The following PROCR variants were observed in gnomAD, a reference collection of about 807,000 sequenced individuals.
PROCR encodes protein C receptor, also known as endothelial protein C receptor.
Under a neutral mutation model 24.2 loss-of-function variants are expected in PROCR, and 22 were observed. The observed-to-expected ratio is 0.91, with a 90% CI of 0.65 to 1.30. PROCR has a LOEUF of 1.30. PROCR is among the 50% of genes most tolerant of loss of function. The pLI is 0.00. For synonymous variants in PROCR, 137 were observed against 139.2 expected, an observed-to-expected ratio of 0.98 and a Z score of 0.11; for missense variants, 288 against 307.7, an observed-to-expected ratio of 0.94 and a Z score of 0.48.
intron 1 of PROCR, among the ~76,000 whole-genome samples, chr20:35,174,064 A>G (rs1182730930): frequency 5.3e-5 from 8 of 152,188 alleles, no homozygotes. Flanking sequence ...AATAGTAGCT[A>G]TTGCATTAAG....
At chr20:35,187,841 C>CGAA (rs1236825590) in intron 1 of PROCR, among the ~76,000 whole-genome samples, 1 of 152,172 alleles carries the variant, frequency 6.6e-6, no homozygotes, top group Admixed American at 6.5e-5. Context: ...AACTAGGATT[C>CGAA]TACATTCCTA....
intron 1 of PROCR, among the ~76,000 whole-genome samples, chr20:35,187,598 G>A (rs190152074): frequency 3.3e-5 from 5 of 152,338 alleles, no homozygotes; most frequent in South Asian, 2.1e-4. Flanking sequence ...AAGCAGGAGA[G>A]GTAAGTAATC....
Position 35,172,121 on chromosome 20 carries a change from G to C in PROCR, c.-34G>C, listed in dbSNP as rs753269670. 1.2e-6 allele frequency: 2 copies of C among 1,612,038 alleles called. No homozygotes were observed. Among genetic ancestry groups the C allele is most frequent in the Non-Finnish European group, 1.7e-6 (2 of 1,178,170 alleles). The stretch of plus-strand genomic sequence containing the variant: ...CCAGCGGAGCCCGCAGCCGGCCCGA[G>C]CCAGGAACCCAGGTCCGGAGCCTCA... On this transcript the variant is annotated 5_prime_UTR_variant, in exon 1 of 4. Coordinates refer to ENST00000216968, the MANE Select transcript of PROCR (RefSeq NM_006404.5).
At chr20:35,208,557 G>A (rs1012026463) in intron 1 of PROCR, among the ~76,000 whole-genome samples, 15 of 152,074 alleles carry the variant, frequency 9.9e-5, no homozygotes, top group African/African-American at 1.7e-4. Flanking sequence ...CTCAGTATCC[G>A]CGTACTCTGC....
chr20:35,193,376 G>C (rs753374305), intron 1 of PROCR, among the ~76,000 whole-genome samples: 3 of 152,066 alleles, frequency 2.0e-5, no homozygotes, highest in Non-Finnish European at 2.9e-5. Context: ...GGGTTTCACT[G>C]TGTTGGCCAG....
intron 1 of PROCR, among the ~76,000 whole-genome samples, chr20:35,190,338 A>G (rs890386622): frequency 3.3e-5 from 5 of 152,178 alleles, no homozygotes; most frequent in Non-Finnish European, 7.3e-5. Flanking sequence ...TCCTGGCTGT[A>G]CCATACCCCA....
intron 1 of PROCR, among the ~76,000 whole-genome samples, chr20:35,215,054 G>A (rs372104869): frequency 1.7e-3 from 255 of 151,948 alleles, no homozygotes; most frequent in African/African-American, 5.9e-3. Flanking sequence ...TTACAGGCAC[G>A]CGCCACCAAG....
intron 1 of PROCR, among the ~76,000 whole-genome samples, chr20:35,198,318 C>T (rs550417933): frequency 1.2e-4 from 18 of 151,928 alleles, no homozygotes; most frequent in Admixed American, 4.6e-4. Context: ...AGTGCTACTC[C>T]GGTGAACACA....
chr20:35,172,609 G>A lies in PROCR; in HGVS notation c.70+385G>A, dbSNP rs143997773. Among the ~76,000 whole-genome samples, 116 of 151,856 alleles carry A rather than the reference G, an allele frequency of 7.6e-4. 1 individual carries two copies. The highest frequency in any genetic ancestry group is 2.7e-3 in the African/African-American group (113 of 41,396). On this transcript the variant is annotated intron_variant, in intron 1 of 3. Transcript: ENST00000216968. ...AGAAGAGAAGAGAAATGGAGGGAATGGGAAGACCCTGGGAAAACTGATGGA... is the reference window on the plus strand; with the variant it reads ...AGAAGAGAAGAGAAATGGAGGGAATAGGAAGACCCTGGGAAAACTGATGGA...
chr20:35,190,193 G>A (rs2086161753), intron 1 of PROCR, among the ~76,000 whole-genome samples: 4 of 152,084 alleles, frequency 2.6e-5, no homozygotes, highest in Middle Eastern at 3.2e-3. Flanking sequence ...TGTTGTATGT[G>A]TACTGGCATA....
intron 1 of PROCR, among the ~76,000 whole-genome samples, chr20:35,199,267 T>A (rs1406257837): frequency 6.6e-6 from 1 of 152,210 alleles, no homozygotes; most frequent in Non-Finnish European, 1.5e-5. Flanking sequence ...ATTTTAAGCC[T>A]ACTGTTGAGA....
Position 35,175,152 on chromosome 20 carries a change from C to A in PROCR, c.322+199C>A, listed in dbSNP as rs184640440. 8.4e-3 allele frequency among the ~76,000 whole-genome samples: 1,283 copies of A among 152,012 alleles called. 10 individuals carry two copies. The highest frequency in any genetic ancestry group is 0.014 in the Middle Eastern group (4 of 294). On this transcript the variant is annotated intron_variant, in intron 2 of 3. Transcript: ENST00000216968. ...AGGCAGTTGTCCCCGCTAAGAAAGC[C>A]CCGACTCGGGCGGTCGTCCTGCTGG...
At chr20:35,200,646 T>C (rs902432510) in intron 1 of PROCR, among the ~76,000 whole-genome samples, 1 of 152,134 alleles carries the variant, frequency 6.6e-6, no homozygotes, top group Non-Finnish European at 1.5e-5. Context: ...ACAACTTTTA[T>C]TTATTATTGT....
chr20:35,205,469 T>C (rs1312402022), intron 1 of PROCR, among the ~76,000 whole-genome samples: 4 of 134,886 alleles, frequency 3.0e-5, no homozygotes, highest in African/African-American at 1.1e-4. Context: ...ATATATATAT[T>C]GGCCGGGCGC....
At chr20:35,180,464 C>G (rs1600738016), downstream of PROCR, among the ~76,000 whole-genome samples, 1 of 152,216 alleles carries the variant, frequency 6.6e-6, no homozygotes, top group East Asian at 1.9e-4. Context: ...TGGCCAACTG[C>G]AGGACAACTC....
rs532663091 is a variant in PROCR at position 35,205,802 on chromosome 20, CAT to C, written c.95-10084_95-10083del. 3.1e-4 allele frequency among the ~76,000 whole-genome samples: 36 copies of C among 115,060 alleles called. 1 individual carries two copies. Among genetic ancestry groups the C allele is most frequent in the African/African-American group, 1.2e-3 (31 of 25,646 alleles). The allele number at this position is 115,060 out of a possible 152,430, so 75.5% of individuals were successfully genotyped here. ...ATATATATATATGTATATATACACA[CAT>C]ATATATGTACATATATACATATATC... On this transcript the variant is annotated intron_variant, in intron 1 of 1. Coordinates refer to the PROCR transcript ENST00000634509.
At position 35,172,119 on chromosome 20, in the gene PROCR, G is replaced by T; in HGVS notation, c.-36G>T. The T allele has an allele frequency of 1.2e-6, 2 of 1,611,036 alleles. No homozygotes were observed. Among genetic ancestry groups the T allele is most frequent in the South Asian group, 2.2e-5 (2 of 91,010 alleles). On this transcript the variant is annotated 5_prime_UTR_variant, in exon 1 of 4. Transcript: ENST00000216968. ...AGCCAGCGGAGCCCGCAGCCGGCCC[G>T]AGCCAGGAACCCAGGTCCGGAGCCT...
chr20:35,214,264 A>G (rs919844581), intron 1 of PROCR, among the ~76,000 whole-genome samples: 3 of 152,158 alleles, frequency 2.0e-5, no homozygotes, highest in African/African-American at 7.2e-5. Flanking sequence ...TTTTCCGATT[A>G]TTACACAAAT....
chr20:35,177,002 C>G lies in PROCR; in HGVS notation c.*189C>G, dbSNP rs1172223606. The G allele has an allele frequency of 1.4e-6, 2 of 1,435,924 alleles. No individual in the cohort carries two copies. The highest frequency in any genetic ancestry group is 2.9e-5 in the African/African-American group (2 of 69,978). The allele number at this position is 1,435,924 out of a possible 1,614,324, so 88.9% of individuals were successfully genotyped here. On this transcript the variant is annotated 3_prime_UTR_variant, in exon 4 of 4. Transcript: ENST00000216968. Reference sequence around the variant, plus strand: ...ATGGAGAGGAGAGGTGGACAAAGTACTTGGTTTGCTAAGAACCTAAGAACG... The same window carrying G: ...ATGGAGAGGAGAGGTGGACAAAGTAGTTGGTTTGCTAAGAACCTAAGAACG...
Sources: allele counts gnomAD v4.1 joint callset (sites outside exome capture counted in the v4.1 genomes callset), GRCh38; gene constraint gnomAD v4.1.1; transcripts MANE v1.5; gene names NCBI Gene and HGNC (gene_info 2026-07-23, HGNC 2026-07-21).